Variants in LRRC7 observed in about 807,000 individuals in gnomAD.
LRRC7 encodes the protein leucine-rich repeat-containing protein 7.
A neutral mutation model predicts 175.7 loss-of-function variants in LRRC7; 23 were observed. The observed-to-expected ratio is 0.13, with a 90% confidence interval of 0.09 to 0.19. The LOEUF (loss-of-function observed/expected upper bound fraction) is 0.19. Ranked by LOEUF, LRRC7 falls within the 10% of genes least tolerant of loss-of-function variation. The pLI, the probability that LRRC7 is intolerant of heterozygous loss-of-function variation, is 1.00. For synonymous variants in LRRC7, 685 were observed against 680.9 expected (o/e 1.01, Z -0.09); for missense variants, 1,354 against 1,904.7 (o/e 0.71, Z 5.38).
chr1:69,664,898 T>A (rs950370054), intron 1 of LRRC7, among the ~76,000 whole-genome samples: 1 of 152,224 alleles, frequency 6.6e-6, no homozygotes, highest in South Asian at 2.1e-4. Context: ...TCCTGGAGAA[T>A]TTCTTCAATG....
At chr1:69,923,482 G>C (rs1488167850) in intron 7 of LRRC7, among the ~76,000 whole-genome samples, 6 of 151,830 alleles carry the variant, frequency 4.0e-5, no homozygotes, top group Non-Finnish European at 7.4e-5. Flanking sequence ...AGCACCTGTT[G>C]TTTCCTGACT....
chr1:70,126,774 C>T lies in LRRC7; in HGVS notation c.*4887C>T, dbSNP rs1348203519. On this transcript the variant is annotated 3_prime_UTR_variant, in exon 27 of 27. Transcript: ENST00000651989. Reference sequence around the variant, plus strand: ...TTCAGGAAATCTATTTTCCAAGATGCACCACTTGTACAAACTAAGGTAGAT... The same window carrying T: ...TTCAGGAAATCTATTTTCCAAGATGTACCACTTGTACAAACTAAGGTAGAT... Among the ~76,000 whole-genome samples the T allele has an allele frequency of 2.6e-5, 4 of 152,178 alleles. No homozygotes were observed. The highest frequency in any genetic ancestry group is 7.2e-5 in the African/African-American group (3 of 41,426).
chr1:69,728,233 A>C (rs972759914), intron 2 of LRRC7, among the ~76,000 whole-genome samples: 5 of 152,126 alleles, frequency 3.3e-5, no homozygotes, highest in Admixed American at 6.5e-5. Context: ...ACCCCCACTC[A>C]CACTCTCCCT....
chr1:69,826,227 T>C (rs558835115), intron 5 of LRRC7, among the ~76,000 whole-genome samples: 31 of 152,210 alleles, frequency 2.0e-4, no homozygotes, highest in Admixed American at 6.6e-4. Context: ...TAACCTATCA[T>C]GTAGATCAAG....
rs144600732 is a variant in LRRC7 at position 69,981,626 on chromosome 1, G to A, written c.786+1173G>A. 1.5e-3 allele frequency among the ~76,000 whole-genome samples: 222 copies of A among 152,220 alleles called. 1 individual carries two copies. Among genetic ancestry groups the A allele is most frequent in the Non-Finnish European group, 2.6e-3 (176 of 68,008 alleles). On this transcript the variant is annotated intron_variant, in intron 9 of 26. Coordinates refer to ENST00000651989, the MANE Select transcript of LRRC7 (RefSeq NM_001370785.2). Reference sequence around the variant, plus strand: ...TGTTTGAGAAGCTCGCACATAGCAGGATAAACAGATCTGGATTTCACTACT... The same window carrying A: ...TGTTTGAGAAGCTCGCACATAGCAGAATAAACAGATCTGGATTTCACTACT...
At chr1:69,817,121 A>C (rs1328859172) in intron 4 of LRRC7, among the ~76,000 whole-genome samples, 1 of 152,112 alleles carries the variant, frequency 6.6e-6, no homozygotes, top group Non-Finnish European at 1.5e-5. Context: ...CTACTTGCTT[A>C]CATTTGCTTT....
intron 2 of LRRC7, among the ~76,000 whole-genome samples, chr1:69,728,942 G>A (rs2100809604): frequency 6.6e-6 from 1 of 152,288 alleles, no homozygotes; most frequent in East Asian, 1.9e-4. Context: ...GCATGGCTGA[G>A]GAGGCCTCAG....
chr1:69,891,296 G>A (rs1167789652), intron 7 of LRRC7, among the ~76,000 whole-genome samples: 1 of 152,220 alleles, frequency 6.6e-6, no homozygotes, highest in Non-Finnish European at 1.5e-5. Context: ...AGGGAATAGA[G>A]ATCCCAAGGA....
At chr1:69,865,003 G>A (rs965579685) in intron 7 of LRRC7, among the ~76,000 whole-genome samples, 1 of 152,152 alleles carries the variant, frequency 6.6e-6, no homozygotes, top group South Asian at 2.1e-4. Context: ...TGTTTGCCAT[G>A]AGAAAGTTGT....
chr1:70,136,075 CTGTG>C lies in LRRC7; in HGVS notation c.*14208_*14211del, dbSNP rs10526637. 0.73 allele frequency among the ~76,000 whole-genome samples: 108,235 copies of C among 149,178 alleles called. 39,388 individuals are homozygous for C. Among genetic ancestry groups the C allele is most frequent in the African/African-American group, 0.77 (31,208 of 40,582 alleles). ...TCTCTGTGTGTGTCTGTGTGTGTGT[CTGTG>C]TGTGTGTGTGTGTGTGTGTCTATAT... On this transcript the variant is annotated 3_prime_UTR_variant, in exon 27 of 27. Transcript: ENST00000651989.
intron 23 of LRRC7, among the ~76,000 whole-genome samples, chr1:70,068,264 G>C (rs918958376): frequency 1.1e-4 from 16 of 152,098 alleles, no homozygotes; most frequent in African/African-American, 3.9e-4. Flanking sequence ...TTATTGAGTA[G>C]AGGAAGTTTC....
intron 7 of LRRC7, among the ~76,000 whole-genome samples, chr1:69,898,705 A>C (rs1460406784): frequency 6.7e-6 from 1 of 149,604 alleles, no homozygotes; most frequent in African/African-American, 2.5e-5. Flanking sequence ...ATGATAATCA[A>C]TTCTAAGTGG....
intron 1 of LRRC7, among the ~76,000 whole-genome samples, chr1:69,677,662 G>T (rs897459475): frequency 6.6e-6 from 1 of 152,068 alleles, no homozygotes; most frequent in African/African-American, 2.4e-5. Context: ...AAATGTTGGT[G>T]AAAGATATGC....
chr1:70,096,455 A>C (rs1664404806), intron 25 of LRRC7, among the ~76,000 whole-genome samples: 1 of 152,066 alleles, frequency 6.6e-6, no homozygotes, highest in Admixed American at 6.5e-5. Context: ...TATCATTTAA[A>C]CCCTGAGGAC....
chr1:69,642,220 T>C (rs563158160), intron 1 of LRRC7, among the ~76,000 whole-genome samples: 1 of 152,140 alleles, frequency 6.6e-6, no homozygotes, highest in South Asian at 2.1e-4. Flanking sequence ...ATGCTATTTT[T>C]ACATGGGTAC....
At chr1:69,900,403 T>C (rs1646101433) in intron 7 of LRRC7, among the ~76,000 whole-genome samples, 2 of 152,240 alleles carry the variant, frequency 1.3e-5, no homozygotes, top group South Asian at 4.1e-4. Flanking sequence ...ACTTCATTTT[T>C]CTTCTTTGTA....
chr1:69,757,415 G>GA (rs1670554051), intron 2 of LRRC7, among the ~76,000 whole-genome samples: 2 of 151,930 alleles, frequency 1.3e-5, no homozygotes, highest in Non-Finnish European at 2.9e-5. Flanking sequence ...TCAATGAAGA[G>GA]AGACTGAGCC....
chr1:69,979,445 T>A (rs1026759482), intron 8 of LRRC7, among the ~76,000 whole-genome samples: 1 of 152,208 alleles, frequency 6.6e-6, no homozygotes, highest in Admixed American at 6.5e-5. Context: ...AAGAAAGTGT[T>A]TCTTTATATA....
intron 7 of LRRC7, among the ~76,000 whole-genome samples, chr1:69,923,453 A>G (rs865878009): frequency 0.01 from 1,542 of 150,686 alleles, 17 homozygotes; most frequent in South Asian, 0.038. Context: ...AAGTGTTCCT[A>G]TTTCTCCACA....
Sources: allele counts gnomAD v4.1 joint callset (sites outside exome capture counted in the v4.1 genomes callset), GRCh38; gene constraint gnomAD v4.1.1; transcripts MANE v1.5; gene names NCBI Gene and HGNC (gene_info 2026-07-23, HGNC 2026-07-21).